NOVA1: variants seen among roughly 807,000 people sequenced by gnomAD.
NOVA1 encodes NOVA alternative splicing regulator 1, also known as RNA-binding protein Nova-1.
NOVA1 carries 7 observed loss-of-function variants against 38.0 expected under a neutral mutation model. The ratio of observed to expected loss-of-function variants is 0.18; its 90% confidence interval spans 0.10 to 0.35. The LOEUF (loss-of-function observed/expected upper bound fraction) is 0.35. Among genes scored for constraint, NOVA1 ranks in the 10% least tolerant of loss-of-function variants. The probability of loss-of-function intolerance (pLI) is 1.00; values close to 1 mark genes in which losing one functional copy is unlikely to be tolerated. For synonymous variants in NOVA1, 270 were observed against 232.5 expected (o/e 1.16, Z -1.47); for missense variants, 460 against 616.0 (o/e 0.75, Z 2.68).
chr14:26,496,579 C>G (rs948872249), intron 2 of NOVA1, among the ~76,000 whole-genome samples: 2 of 152,100 alleles, frequency 1.3e-5, no homozygotes, highest in Non-Finnish European at 2.9e-5. Flanking sequence ...ATGCCTATGT[C>G]CTGAATGGTA....
At position 26,448,567 on chromosome 14, in the gene NOVA1, C is replaced by T. The variant is rs1882321596; in HGVS notation, c.916G>A (p.Gly306Ser). 2 of 1,614,184 alleles carry T rather than the reference C, an allele frequency of 1.2e-6. No individual in the cohort carries two copies. Among genetic ancestry groups the T allele is most frequent in the Non-Finnish European group, 1.7e-6 (2 of 1,180,028 alleles). ...GVAAFPAVLSGFTGNDLVAIT... is the reference protein window; with the variant it reads ...GVAAFPAVLSSFTGNDLVAIT... ...GCCACCAGGTCATTGCCTGTGAAGC[C>T]AGATAAAACTGCTGGAAAGGCTGCA... The change falls in exon 5 of 5, where the codon GGC becomes AGC. Residue 306 changes from glycine (G) to serine (S), a missense_variant. By Grantham distance (56) the Gly-to-Ser change is moderately conservative. Coordinates refer to ENST00000539517, the MANE Select transcript of NOVA1 (RefSeq NM_002515.3). This position sits in a 1 kb window ranked among gnomAD's most constrained non-coding sequence, Gnocchi z 5.3.
chr14:26,562,277 CAGTT>C (rs1891876595), intron 2 of NOVA1, among the ~76,000 whole-genome samples: 1 of 152,104 alleles, frequency 6.6e-6, no homozygotes, highest in Non-Finnish European at 1.5e-5. Context: ...TGAAATTGGT[CAGTT>C]ACTTATTCTG....
At chr14:26,470,073 A>C (rs1884462760) in intron 4 of NOVA1, 2 of 463,178 alleles carry the variant, frequency 4.3e-6, no homozygotes, top group South Asian at 6.1e-5. Context: ...AATAATAAAA[A>C]GTATTTTTAA....
chr14:26,476,738 C>A (rs1885017132), intron 3 of NOVA1, among the ~76,000 whole-genome samples: 1 of 139,718 alleles, frequency 7.2e-6, no homozygotes, highest in Non-Finnish European at 1.5e-5. Flanking sequence ...TTTTTTGAGA[C>A]AGAGCTTCGC....
At chr14:26,462,949 T>A (rs1051511826) in intron 4 of NOVA1, among the ~76,000 whole-genome samples, 3 of 152,192 alleles carry the variant, frequency 2.0e-5, no homozygotes, top group Non-Finnish European at 4.4e-5. Flanking sequence ...ATGTAGTGAT[T>A]TTCATATTCC....
chr14:26,518,213 A>G (rs562625863), intron 2 of NOVA1, among the ~76,000 whole-genome samples: 1 of 152,162 alleles, frequency 6.6e-6, no homozygotes, highest in East Asian at 1.9e-4. Flanking sequence ...TGCTTACTCT[A>G]CTTCTGAAAA....
chr14:26,596,625 G>T (rs1000057635), intron 1 of NOVA1: 14 of 1,289,046 alleles, frequency 1.1e-5, no homozygotes, highest in Non-Finnish European at 1.4e-5. Context: ...TGCAAATGAA[G>T]AAGCGATATC....
intron 2 of NOVA1, among the ~76,000 whole-genome samples, chr14:26,577,323 T>A (rs557619660): frequency 8.5e-5 from 13 of 152,220 alleles, no homozygotes; most frequent in African/African-American, 2.9e-4. Context: ...AATATAAATT[T>A]CCTACAGGGT....
chr14:26,503,549 G>T (rs895824256), intron 2 of NOVA1, among the ~76,000 whole-genome samples: 1 of 151,968 alleles, frequency 6.6e-6, no homozygotes, highest in Non-Finnish European at 1.5e-5. Flanking sequence ...CTATTGGAAT[G>T]GTAAGTTAGC....
intron 2 of NOVA1, among the ~76,000 whole-genome samples, chr14:26,534,542 A>G (rs1300294681): frequency 3.3e-5 from 5 of 152,216 alleles, no homozygotes; most frequent in Non-Finnish European, 5.9e-5. Flanking sequence ...ATAACTGGGT[A>G]GAAAATGAAC....
chr14:26,545,769 C>A (rs1045242137), intron 2 of NOVA1, among the ~76,000 whole-genome samples: 3 of 151,996 alleles, frequency 2.0e-5, no homozygotes, highest in Admixed American at 6.6e-5. Context: ...TACAAAGTGG[C>A]AGTAAGGATT....
At chr14:26,533,078 A>G (rs552339424) in intron 2 of NOVA1, among the ~76,000 whole-genome samples, 31 of 152,310 alleles carry the variant, frequency 2.0e-4, no homozygotes, top group African/African-American at 7.5e-4. Flanking sequence ...TGTGTAGAAT[A>G]TAATAAGTCT....
intron 2 of NOVA1, among the ~76,000 whole-genome samples, chr14:26,497,580 T>C (rs571275672): frequency 9.3e-4 from 141 of 152,226 alleles, no homozygotes; most frequent in African/African-American, 3.3e-3. Context: ...TACATTTCTA[T>C]TCCAAAAGAT....
At chr14:26,574,534 T>C (rs1232009256) in intron 2 of NOVA1, among the ~76,000 whole-genome samples, 1 of 152,088 alleles carries the variant, frequency 6.6e-6, no homozygotes, top group Non-Finnish European at 1.5e-5. Context: ...TGTAAAACAG[T>C]ATTTTATTAA....
chr14:26,596,532 C>A, intron 1 of NOVA1: 1 of 1,288,216 alleles, frequency 7.8e-7, no homozygotes, highest in Non-Finnish European at 1.0e-6. Flanking sequence ...ACTCAAAAGA[C>A]CCCCATCCGT....
chr14:26,535,736 T>C (rs1890023270), intron 2 of NOVA1, among the ~76,000 whole-genome samples: 1 of 152,004 alleles, frequency 6.6e-6, no homozygotes, highest in South Asian at 2.1e-4. Context: ...GATGGGCAGA[T>C]CACGAGGCCT....
Position 26,559,402 on chromosome 14 carries a change from G to A in NOVA1, c.280+36008C>T, listed in dbSNP as rs187238838. On this transcript the variant is annotated intron_variant, in intron 2 of 4. Transcript: ENST00000539517. ...CACCATTTATAAAAATGGGATAACT[G>A]TAAAGGTTAATGCCATTCTAAAATG... 4.6e-5 allele frequency among the ~76,000 whole-genome samples: 7 copies of A among 152,240 alleles called. No individual in the cohort carries two copies. In the East Asian group the frequency reaches 1.4e-3, roughly 29 times the overall value.
At chr14:26,532,838 A>G (rs554099345) in intron 2 of NOVA1, among the ~76,000 whole-genome samples, 1 of 152,212 alleles carries the variant, frequency 6.6e-6, no homozygotes, top group Non-Finnish European at 1.5e-5. Flanking sequence ...CTCTTTTACT[A>G]TAAAATTCTT....
chr14:26,560,050 C>T (rs910523995), intron 2 of NOVA1, among the ~76,000 whole-genome samples: 23 of 151,768 alleles, frequency 1.5e-4, no homozygotes, highest in African/African-American at 5.1e-4. Flanking sequence ...TAAATATGCA[C>T]ATCTACTATA....
Sources: gnomAD v4.1 joint callset for allele counts (sites outside exome capture counted in the v4.1 genomes callset) on GRCh38, gnomAD v4.1.1 for gene constraint, Gnocchi (gnomAD v3.1) non-coding constraint, MANE v1.5 for transcripts, NCBI Gene and HGNC (gene_info 2026-07-23, HGNC 2026-07-21) for gene names.